The following MAML2 variants were observed in gnomAD, a reference collection of about 807,000 sequenced individuals.
MAML2 encodes mastermind-like protein 2.
In MAML2, 22 loss-of-function variants were observed where a neutral mutation model predicts 96.1. That is an observed-to-expected ratio of 0.23 (90% CI 0.16 to 0.33). The LOEUF (loss-of-function observed/expected upper bound fraction) is 0.33, where lower values mean the gene tolerates loss of function less well. Ranked by LOEUF, MAML2 falls within the 10% of genes least tolerant of loss-of-function variation. The probability of loss-of-function intolerance (pLI) is 1.00; values close to 1 mark genes in which losing one functional copy is unlikely to be tolerated. For synonymous variants in MAML2, 561 were observed against 521.3 expected (o/e 1.08, Z -1.04); for missense variants, 1,367 against 1,392.4 (o/e 0.98, Z 0.29).
chr11:96,269,762 T>C (rs911594255), intron 1 of MAML2, among the ~76,000 whole-genome samples: 5 of 144,054 alleles, frequency 3.5e-5, no homozygotes, highest in African/African-American at 1.1e-4. Flanking sequence ...CTACATGCCT[T>C]GGCCTCCCAA....
At chr11:96,260,966 A>G (rs1293552761) in intron 1 of MAML2, among the ~76,000 whole-genome samples, 3 of 152,152 alleles carry the variant, frequency 2.0e-5, no homozygotes, top group Non-Finnish European at 4.4e-5. Context: ...CCAATATAGC[A>G]TATCATGGAG....
At chr11:96,169,561 A>G (rs1009645285) in intron 1 of MAML2, among the ~76,000 whole-genome samples, 4 of 152,224 alleles carry the variant, frequency 2.6e-5, no homozygotes, top group Admixed American at 6.5e-5. Flanking sequence ...TAGTGAGTTC[A>G]TGGCTGGTTT....
intron 2 of MAML2, among the ~76,000 whole-genome samples, chr11:96,053,866 T>C (rs965049513): frequency 6.6e-6 from 1 of 152,202 alleles, no homozygotes; most frequent in Non-Finnish European, 1.5e-5. Flanking sequence ...TCTCTTCATC[T>C]GTTTGGTATT....
At chr11:96,139,695 T>C (rs1041470078) in intron 1 of MAML2, among the ~76,000 whole-genome samples, 4 of 152,036 alleles carry the variant, frequency 2.6e-5, no homozygotes, top group Non-Finnish European at 5.9e-5. Context: ...CTTTACCTAC[T>C]CATAATCATT....
intron 1 of MAML2, among the ~76,000 whole-genome samples, chr11:96,265,626 G>A (rs1353277860): frequency 6.6e-6 from 1 of 152,146 alleles, no homozygotes; most frequent in Non-Finnish European, 1.5e-5. Context: ...AAAAACCCGA[G>A]ACCCTAGCAA....
chr11:96,107,730 C>G (rs145878859), intron 1 of MAML2, among the ~76,000 whole-genome samples: 1 of 152,046 alleles, frequency 6.6e-6, no homozygotes, highest in African/African-American at 2.4e-5. Context: ...CGTTGATCAC[C>G]GGTGGCCAAT....
At chr11:96,199,700 A>G (rs1861788106) in intron 1 of MAML2, among the ~76,000 whole-genome samples, 1 of 152,158 alleles carries the variant, frequency 6.6e-6, no homozygotes, top group African/African-American at 2.4e-5. Context: ...TTCCACATCC[A>G]ATAAATACCG....
intron 1 of MAML2, among the ~76,000 whole-genome samples, chr11:96,278,306 A>G (rs1863018150): frequency 1.3e-5 from 2 of 152,192 alleles, no homozygotes; most frequent in Admixed American, 6.5e-5. Flanking sequence ...TGTGGAGTAA[A>G]TTAATCTCTT....
chr11:96,164,913 A>G (rs922907974), intron 1 of MAML2, among the ~76,000 whole-genome samples: 1 of 152,242 alleles, frequency 6.6e-6, no homozygotes, highest in South Asian at 2.1e-4. Context: ...CTTGTGCAAT[A>G]TATTTCCATA....
intron 1 of MAML2, 45 bp from the exon 2 acceptor site, chr11:96,093,562 TC>T: frequency 8.0e-7 from 1 of 1,249,032 alleles, no homozygotes; most frequent in African/African-American, 1.5e-5. Context: ...GAAATATGAA[TC>T]CAATGATGCT....
At chr11:96,140,857 T>G (rs898634844) in intron 1 of MAML2, among the ~76,000 whole-genome samples, 1 of 152,190 alleles carries the variant, frequency 6.6e-6, no homozygotes, top group South Asian at 2.1e-4. Context: ...CGGGCCATGC[T>G]AGGAGCTGTC....
chr11:96,299,058 AAAAT>A (rs1283397695), intron 1 of MAML2, among the ~76,000 whole-genome samples: 3 of 58,034 alleles, frequency 5.2e-5, no homozygotes, highest in East Asian at 5.6e-4. Flanking sequence ...AAAAAAAAAA[AAAAT>A]ATATATATAT....
chr11:96,054,754 A>T (rs922424940), intron 2 of MAML2, among the ~76,000 whole-genome samples: 2 of 152,144 alleles, frequency 1.3e-5, no homozygotes, highest in African/African-American at 4.8e-5. Context: ...TGCAGTTATC[A>T]TTTCTCAGAA....
chr11:96,093,562 T>G, intron 1 of MAML2, 45 bp from the exon 2 acceptor site: 3 of 1,249,032 alleles, frequency 2.4e-6, no homozygotes, highest in Non-Finnish European at 2.3e-6. Flanking sequence ...GAAATATGAA[T>G]CCAATGATGC....
chr11:96,154,128 T>C (rs954115250), intron 1 of MAML2, among the ~76,000 whole-genome samples: 1 of 152,148 alleles, frequency 6.6e-6, no homozygotes, highest in Non-Finnish European at 1.5e-5. Context: ...TTAACAAAGC[T>C]TCTCAAACTG....
At chr11:96,331,735 G>T (rs569551676) in intron 1 of MAML2, among the ~76,000 whole-genome samples, 1 of 150,548 alleles carries the variant, frequency 6.6e-6, no homozygotes, top group East Asian at 2.0e-4. Context: ...GGGGAATCAC[G>T]CGAACCCAGG....
At chr11:96,318,819 T>G (rs1311892028) in intron 1 of MAML2, among the ~76,000 whole-genome samples, 1 of 152,208 alleles carries the variant, frequency 6.6e-6, no homozygotes, top group Non-Finnish European at 1.5e-5. Context: ...AATTTTAAAA[T>G]ATTCAGTGGT....
chr11:96,079,852 G>A (rs1241935102), intron 2 of MAML2, among the ~76,000 whole-genome samples: 2 of 152,208 alleles, frequency 1.3e-5, no homozygotes, highest in Admixed American at 6.5e-5. Flanking sequence ...GCAGGAAGTC[G>A]TAGGACGACA....
intron 1 of MAML2, among the ~76,000 whole-genome samples, chr11:96,290,185 T>C (rs1863190042): frequency 6.6e-6 from 1 of 152,198 alleles, no homozygotes; most frequent in Non-Finnish European, 1.5e-5. Context: ...CTTAATGGTC[T>C]TCATTCTCCC....
Sources: gnomAD v4.1 joint callset for allele counts (sites outside exome capture counted in the v4.1 genomes callset) on GRCh38, gnomAD v4.1.1 for gene constraint, MANE v1.5 for transcripts, NCBI Gene and HGNC (gene_info 2026-07-23, HGNC 2026-07-21) for gene names.